Variants in DMD observed in about 807,000 individuals in gnomAD.
DMD encodes mutant dystrophin.
Under a neutral mutation model 330.1 loss-of-function variants are expected in DMD, and 63 were observed. The observed-to-expected ratio is 0.19, with a 90% CI of 0.16 to 0.24. The LOEUF is 0.24. DMD is among the 10% of genes least tolerant of loss of function. The probability of loss-of-function intolerance (pLI) is 1.00; values close to 1 mark genes in which losing one functional copy is unlikely to be tolerated. For missense variants in DMD, 3,344 were observed against 2,684.1 expected, an observed-to-expected ratio of 1.25 and a Z score of -5.43; for synonymous variants, 1,223 against 959.8, an observed-to-expected ratio of 1.27 and a Z score of -5.07.
At chrX:32,563,520 G>A (rs1360282338) in intron 16 of DMD, among the ~76,000 whole-genome samples, 2 of 110,705 alleles carry the variant, frequency 1.8e-5, no homozygotes, top group East Asian at 2.8e-4. Context: ...ATGCTGTAAT[G>A]CATGTTGGAC....
chrX:32,935,538 T>C (rs1191406077), intron 2 of DMD, among the ~76,000 whole-genome samples: 1 of 112,238 alleles, frequency 8.9e-6, no homozygotes, highest in Non-Finnish European at 1.9e-5. Flanking sequence ...GGTATGACCA[T>C]AATACAATTA....
At chrX:31,361,042 T>C (rs1216425726) in intron 60 of DMD, among the ~76,000 whole-genome samples, 1 of 110,631 alleles carries the variant, frequency 9.0e-6, no homozygotes, top group Non-Finnish European at 1.9e-5. Context: ...GAGGATCACT[T>C]GAACCCAGGA....
intron 2 of DMD, among the ~76,000 whole-genome samples, chrX:32,923,398 T>C (rs1003732931): frequency 2.7e-5 from 3 of 109,523 alleles, no homozygotes; most frequent in South Asian, 4.0e-4. Context: ...CCATCTCTAC[T>C]AAAAATACAA....
At chrX:32,292,302 C>CTTTTTTTTTTTTTTTTTTT (rs10652780) in intron 42 of DMD, among the ~76,000 whole-genome samples, 1,217 of 62,871 alleles carry the variant, frequency 0.019, 199 homozygotes, top group Non-Finnish European at 0.023. Context: ...AGGGAATATT[C>CTTTTTTTTTTTTTTTTTTT]TTTTTTTTTT....
chrX:32,742,634 G>A (rs191406562), intron 7 of DMD, among the ~76,000 whole-genome samples: 203 of 111,714 alleles, frequency 1.8e-3, no homozygotes, highest in Non-Finnish European at 3.1e-3. Flanking sequence ...TGGGACAAAA[G>A]AATCAGGAAT....
intron 1 of DMD, among the ~76,000 whole-genome samples, chrX:33,031,628 G>A (rs911357655): frequency 9.9e-5 from 11 of 110,708 alleles, no homozygotes; most frequent in African/African-American, 3.0e-4. Flanking sequence ...AAGATTAGCC[G>A]GGCGTGGTGG....
intron 44 of DMD, among the ~76,000 whole-genome samples, chrX:32,152,926 T>C (rs1250112575): frequency 8.9e-6 from 1 of 112,128 alleles, no homozygotes; most frequent in Non-Finnish European, 1.9e-5. Flanking sequence ...TATGTGATAA[T>C]TCTCCTTTAC....
intron 16 of DMD, 128 bp from the exon 17 acceptor site, chrX:32,545,462 T>G (rs2048877133): frequency 3.1e-6 from 2 of 636,113 alleles, no homozygotes; most frequent in East Asian, 6.9e-5. Flanking sequence ...CAGATCAAAA[T>G]AGCACCATAT....
At chrX:33,170,073 G>A (rs953536724) in intron 1 of DMD, among the ~76,000 whole-genome samples, 1 of 111,133 alleles carries the variant, frequency 9.0e-6, no homozygotes, top group African/African-American at 3.3e-5. Context: ...AGACCCATGA[G>A]GTTCCGCTCT....
At chrX:32,679,336 G>C (rs2062200049) in intron 9 of DMD, among the ~76,000 whole-genome samples, 1 of 108,868 alleles carries the variant, frequency 9.2e-6, no homozygotes, top group Non-Finnish European at 1.9e-5. Context: ...ACGAGGTTTT[G>C]GTTTTTTTTT....
chrX:32,253,225 C>T (rs1215878655), intron 43 of DMD, among the ~76,000 whole-genome samples: 1 of 109,125 alleles, frequency 9.2e-6, no homozygotes, highest in Admixed American at 1.0e-4. Flanking sequence ...AAAATTGAGG[C>T]GGCCAAGGGT....
At chrX:32,212,405 A>G (rs1366975515) in intron 44 of DMD, among the ~76,000 whole-genome samples, 1 of 112,153 alleles carries the variant, frequency 8.9e-6, no homozygotes, top group Admixed American at 9.5e-5. Context: ...AGGGGCTTAC[A>G]TTTAATGAGT....
At chrX:31,566,366 T>G (rs1222286736) in intron 55 of DMD, among the ~76,000 whole-genome samples, 1 of 111,855 alleles carries the variant, frequency 8.9e-6, no homozygotes, top group Non-Finnish European at 1.9e-5. Flanking sequence ...CTTTCTCTAT[T>G]GAATTGCTTT....
At chrX:32,614,005 A>G (rs1024491824) in intron 12 of DMD, among the ~76,000 whole-genome samples, 4 of 110,282 alleles carry the variant, frequency 3.6e-5, no homozygotes, top group African/African-American at 1.3e-4. Context: ...ATAGGAGAAC[A>G]CTGTGTGAAG....
chrX:31,355,543 T>G (rs142906504), intron 60 of DMD, among the ~76,000 whole-genome samples: 1,724 of 111,912 alleles, frequency 0.015, 32 homozygotes, highest in African/African-American at 0.053. Context: ...AGACAGAAAC[T>G]CTTGTGCTGT....
chrX:31,450,836 G>A (rs771840338), intron 59 of DMD, among the ~76,000 whole-genome samples: 1 of 111,857 alleles, frequency 8.9e-6, no homozygotes, highest in African/African-American at 3.2e-5. Flanking sequence ...TTTTCCCTTT[G>A]TACCCCTGGT....
rs771639726 is a variant in DMD at position 32,547,471 on chromosome X, T to C, written c.1993-2137A>G. On this transcript the variant is annotated intron_variant, in intron 16 of 78. Coordinates refer to ENST00000357033, the MANE Select transcript of DMD (RefSeq NM_004006.3). ...AATTGTTCTATATAATAATCACTACTACACTGTAATTGAAAAATACTACTT... is the reference window on the plus strand; with the variant it reads ...AATTGTTCTATATAATAATCACTACCACACTGTAATTGAAAAATACTACTT... Among the ~76,000 whole-genome samples the C allele has an allele frequency of 9.1e-4, 101 of 111,046 alleles. 1 individual carries two copies. Among genetic ancestry groups the C allele is most frequent in the Admixed American group, 7.6e-3 (79 of 10,357 alleles).
At chrX:32,369,375 A>G (rs1432051532) in intron 34 of DMD, among the ~76,000 whole-genome samples, 1 of 111,641 alleles carries the variant, frequency 9.0e-6, no homozygotes, top group East Asian at 2.8e-4. Flanking sequence ...CCCCATATCT[A>G]CAAGTATAAT....
rs192207274 is a variant in DMD, at chrX:33,064,076, G to A, written c.32-43876C>T. Among the ~76,000 whole-genome samples the A allele has an allele frequency of 9.0e-5, 10 of 110,910 alleles. No homozygotes were observed. In the East Asian group the frequency reaches 2.6e-3, roughly 28 times the overall value. On this transcript the variant is annotated intron_variant, in intron 1 of 78. Coordinates refer to ENST00000357033, the MANE Select transcript of DMD (RefSeq NM_004006.3). Reference sequence around the variant, plus strand: ...ACATAATTGATTGCCTTAGATTCATGCCCATATATACATATATATGCACAT... The same window carrying A: ...ACATAATTGATTGCCTTAGATTCATACCCATATATACATATATATGCACAT...
Sources: allele counts gnomAD v4.1 joint callset (sites outside exome capture counted in the v4.1 genomes callset), GRCh38; gene constraint gnomAD v4.1.1; transcripts MANE v1.5; gene names NCBI Gene and HGNC (gene_info 2026-07-23, HGNC 2026-07-21).